NALF1: variants seen among roughly 807,000 people sequenced by gnomAD.
The protein encoded by NALF1 is family with sequence similarity 155 member A.
NALF1 carries 3 observed loss-of-function variants against 48.4 expected under a neutral mutation model. That is an observed-to-expected ratio of 0.06 (90% CI 0.03 to 0.16). NALF1 has a LOEUF of 0.16. Ranked by LOEUF, NALF1 falls within the 10% of genes least tolerant of loss-of-function variation. The probability of loss-of-function intolerance (pLI) is 1.00; values close to 1 mark genes in which losing one functional copy is unlikely to be tolerated. For missense variants in NALF1, 526 were observed against 571.5 expected, an observed-to-expected ratio of 0.92 and a Z score of 0.81; for synonymous variants, 262 against 245.7, an observed-to-expected ratio of 1.07 and a Z score of -0.62.
chr13:107,417,233 C>G (rs1233989945), intron 1 of NALF1, among the ~76,000 whole-genome samples: 5 of 152,176 alleles, frequency 3.3e-5, no homozygotes, highest in African/African-American at 1.2e-4. Flanking sequence ...CCTGTTTTAT[C>G]TTATACTCAA....
rs1322722668 is a variant in NALF1, at chr13:107,556,348, T to TAG, written c.915+309333_915+309334insCT. 2.9e-3 allele frequency among the ~76,000 whole-genome samples: 427 copies of TAG among 147,622 alleles called. 1 individual carries two copies. Among genetic ancestry groups the TAG allele is most frequent in the East Asian group, 5.5e-3 (28 of 5,122 alleles). ...ATATATATACACACACATATATATA[T>TAG]ATAGAGAGAGAGAGAGAGAGAGTCT... On this transcript the variant is annotated intron_variant, in intron 1 of 2. Transcript: ENST00000375915.
At chr13:107,267,052 A>G (rs1881054919) in intron 1 of NALF1, among the ~76,000 whole-genome samples, 1 of 152,186 alleles carries the variant, frequency 6.6e-6, no homozygotes, top group Non-Finnish European at 1.5e-5. Flanking sequence ...GAGGTCCACA[A>G]GTCAAGTGTT....
At chr13:107,760,641 T>A (rs867776245) in intron 1 of NALF1, among the ~76,000 whole-genome samples, 1 of 152,208 alleles carries the variant, frequency 6.6e-6, no homozygotes, top group Admixed American at 6.5e-5. Flanking sequence ...AGATCGGTTA[T>A]GAAACAAACA....
In NALF1 at chr13:107,209,615, G is replaced by A. The variant is rs546006541; in HGVS notation, c.1087+969C>T. On this transcript the variant is annotated intron_variant, in intron 2 of 2. Coordinates refer to ENST00000375915, the MANE Select transcript of NALF1 (RefSeq NM_001080396.3). The stretch of plus-strand genomic sequence containing the variant: ...CTAATGAATACGTATGTAAATAAGC[G>A]ATGCTGAAATAATTTGATAAATTCT... Among the ~76,000 whole-genome samples, 66 of 152,252 alleles carry A rather than the reference G, an allele frequency of 4.3e-4. 1 individual carries two copies. In the South Asian group the frequency reaches 0.012, roughly 28 times the overall value.
At chr13:107,766,809 T>C (rs1877429394) in intron 1 of NALF1, among the ~76,000 whole-genome samples, 2 of 152,224 alleles carry the variant, frequency 1.3e-5, no homozygotes, top group Admixed American at 1.3e-4. Context: ...AGGCAGAGAC[T>C]GTGGACTCCT....
intron 1 of NALF1, among the ~76,000 whole-genome samples, chr13:107,640,196 G>A (rs1362958187): frequency 6.6e-6 from 1 of 152,110 alleles, no homozygotes; most frequent in Non-Finnish European, 1.5e-5. Context: ...TTTACACAGT[G>A]TTAAAGGTTA....
intron 1 of NALF1, among the ~76,000 whole-genome samples, chr13:107,818,463 G>A (rs1173484582): frequency 6.6e-6 from 1 of 152,170 alleles, no homozygotes; most frequent in Non-Finnish European, 1.5e-5. Flanking sequence ...TGTGGAGGTT[G>A]AGTCCCAGTC....
intron 1 of NALF1, among the ~76,000 whole-genome samples, chr13:107,855,096 C>A (rs1399527977): frequency 6.6e-6 from 1 of 152,228 alleles, no homozygotes; most frequent in East Asian, 1.9e-4. Flanking sequence ...AGAGGCGTTT[C>A]GCTGACAGAA....
intron 1 of NALF1, among the ~76,000 whole-genome samples, chr13:107,394,943 G>A (rs1489389316): frequency 2.0e-5 from 3 of 152,092 alleles, no homozygotes; most frequent in Non-Finnish European, 4.4e-5. Flanking sequence ...TCACCAGTGG[G>A]GCCCTCCAAT....
At chr13:107,433,179 T>C (rs903931052) in intron 1 of NALF1, among the ~76,000 whole-genome samples, 10 of 152,192 alleles carry the variant, frequency 6.6e-5, no homozygotes, top group Non-Finnish European at 1.3e-4. Context: ...CTGGAACCTG[T>C]AGTTAATATG....
intron 1 of NALF1, among the ~76,000 whole-genome samples, chr13:107,292,797 T>C (rs752187291): frequency 5.3e-5 from 8 of 152,160 alleles, no homozygotes; most frequent in Non-Finnish European, 1.2e-4. Flanking sequence ...CCAGTAACAA[T>C]TATAATCATT....
intron 1 of NALF1, among the ~76,000 whole-genome samples, chr13:107,289,536 T>C (rs1363273728): frequency 6.6e-6 from 1 of 152,240 alleles, no homozygotes. Context: ...TGATATACAT[T>C]ATATATGTCT....
chr13:107,650,331 C>T (rs1880420726), intron 1 of NALF1, among the ~76,000 whole-genome samples: 1 of 140,708 alleles, frequency 7.1e-6, no homozygotes, highest in South Asian at 2.2e-4. Context: ...CTTCGAGTCT[C>T]CTCTAGCAAA....
At chr13:107,689,162 A>C (rs369443541) in intron 1 of NALF1, among the ~76,000 whole-genome samples, 312 of 152,262 alleles carry the variant, frequency 2.0e-3, no homozygotes, top group Middle Eastern at 0.017. Context: ...CGGTGCAAGA[A>C]CCAGATCTGC....
rs1468109218 is a variant in NALF1, at chr13:107,708,134, CATG to C, written c.915+157545_915+157547del. ...GGTAAAAGCAGGGACCTTTGAAAAT[CATG>C]ATAAAATTTGCTTCTAGGGAAGGGT... is the stretch of plus-strand genomic sequence containing the variant. On this transcript the variant is annotated intron_variant, in intron 1 of 2. Coordinates refer to ENST00000375915, the MANE Select transcript of NALF1 (RefSeq NM_001080396.3). Among the ~76,000 whole-genome samples, 4 of 152,098 alleles carry C rather than the reference CATG, an allele frequency of 2.6e-5. No homozygotes were observed. In the East Asian group the frequency reaches 7.7e-4, roughly 29 times the overall value.
At chr13:107,430,079 G>A (rs1328355630) in intron 1 of NALF1, among the ~76,000 whole-genome samples, 2 of 152,158 alleles carry the variant, frequency 1.3e-5, no homozygotes, top group African/African-American at 2.4e-5. Context: ...CATTTCTGCA[G>A]AATATATTCC....
At chr13:107,726,205 A>C (rs1279228892) in intron 1 of NALF1, among the ~76,000 whole-genome samples, 1 of 152,124 alleles carries the variant, frequency 6.6e-6, no homozygotes, top group South Asian at 2.1e-4. Context: ...TATCTTTTTG[A>C]TGTGCAAAAA....
chr13:107,531,163 GA>G, intron 1 of NALF1: 1 of 167,828 alleles, frequency 6.0e-6, no homozygotes, highest in Middle Eastern at 6.5e-4. Context: ...ATGGAGTCCG[GA>G]TATTTGTCCT....
intron 1 of NALF1, among the ~76,000 whole-genome samples, chr13:107,739,152 C>A (rs1309981084): frequency 2.0e-5 from 3 of 151,714 alleles, no homozygotes; most frequent in Non-Finnish European, 4.4e-5. Context: ...CACACCAGGG[C>A]CTGTCAGGCG....
Sources: allele counts gnomAD v4.1 joint callset (sites outside exome capture counted in the v4.1 genomes callset), GRCh38; gene constraint gnomAD v4.1.1; transcripts MANE v1.5; gene names NCBI Gene and HGNC (gene_info 2026-07-23, HGNC 2026-07-21).